DEPTOR: variants seen among roughly 807,000 people sequenced by gnomAD.
DEPTOR encodes the protein DEP domain-containing mTOR-interacting protein.
A neutral mutation model predicts 41.6 loss-of-function variants in DEPTOR; 41 were observed. The observed-to-expected ratio is 0.98, with a 90% confidence interval of 0.77 to 1.28. DEPTOR has a LOEUF of 1.28. DEPTOR is among the 50% of genes most tolerant of loss of function. DEPTOR has a pLI of 0.00. For synonymous variants in DEPTOR, 195 were observed against 192.3 expected, an observed-to-expected ratio of 1.01 and a Z score of -0.12; for missense variants, 514 against 527.9, an observed-to-expected ratio of 0.97 and a Z score of 0.26.
In DEPTOR at chr8:120,009,164, T is replaced by C. The variant is rs752101211; in HGVS notation, c.1101+31T>C. The C allele has an allele frequency of 3.2e-5, 51 of 1,591,758 alleles. No individual in the cohort carries two copies. In the South Asian group the frequency reaches 5.6e-4, roughly 18 times the overall value. Reference sequence around the variant, plus strand: ...AACGGGTCTTTCTCACCCTCTTTTATATCTGTCTTGGGTTCTTCATGCTAA... The same window carrying C: ...AACGGGTCTTTCTCACCCTCTTTTACATCTGTCTTGGGTTCTTCATGCTAA... On this transcript the variant is annotated intron_variant, in intron 8 of 8. Coordinates refer to ENST00000286234, the MANE Select transcript of DEPTOR (RefSeq NM_022783.4).
At chr8:120,045,959 C>G (rs923894570) in intron 8 of DEPTOR, among the ~76,000 whole-genome samples, 2 of 152,114 alleles carry the variant, frequency 1.3e-5, no homozygotes, top group Admixed American at 1.3e-4. Flanking sequence ...CAGAGTTCAC[C>G]AGGTGCTCAT....
At chr8:119,924,899 C>T (rs1827944612) in intron 1 of DEPTOR, among the ~76,000 whole-genome samples, 1 of 152,142 alleles carries the variant, frequency 6.6e-6, no homozygotes, top group African/African-American at 2.4e-5. Context: ...CCACCCTCCA[C>T]ACTCAAGTAG....
chr8:119,908,534 G>A (rs1409702188), intron 1 of DEPTOR, among the ~76,000 whole-genome samples: 2 of 152,156 alleles, frequency 1.3e-5, no homozygotes, highest in East Asian at 3.8e-4. Flanking sequence ...GAGATGATGG[G>A]AATCTTGATT....
At chr8:119,927,289 T>G (rs1280135152) in intron 1 of DEPTOR, among the ~76,000 whole-genome samples, 1 of 152,100 alleles carries the variant, frequency 6.6e-6, no homozygotes, top group East Asian at 1.9e-4. Context: ...GAGGGTGTAT[T>G]GGGACAATAT....
intron 3 of DEPTOR, among the ~76,000 whole-genome samples, chr8:119,931,962 ATT>A (rs1828049772): frequency 1.8e-5 from 1 of 56,280 alleles, no homozygotes; most frequent in African/African-American, 8.1e-5. Flanking sequence ...AAAAAAGATT[ATT>A]ATTATTATTA....
In DEPTOR at chr8:119,902,048, A is replaced by G. The variant is rs1177187711; in HGVS notation, c.123-26352A>G. On this transcript the variant is annotated intron_variant, in intron 1 of 8. Transcript: ENST00000286234. ...CTTATATTTTGGAAAGAGATTTTAT[A>G]TACACCATTCTGCTGATCCCCAACA... is the stretch of plus-strand genomic sequence containing the variant. 2.0e-5 allele frequency among the ~76,000 whole-genome samples: 3 copies of G among 152,054 alleles called. No homozygotes were observed. In the East Asian group the frequency reaches 5.8e-4, roughly 29 times the overall value.
At chr8:120,022,528 G>C (rs879925257) in intron 8 of DEPTOR, among the ~76,000 whole-genome samples, 2 of 152,058 alleles carry the variant, frequency 1.3e-5, no homozygotes, top group African/African-American at 2.4e-5. Flanking sequence ...TTCTGAGAAA[G>C]GGTCAGTCTT....
intron 3 of DEPTOR, among the ~76,000 whole-genome samples, chr8:119,947,838 T>C (rs1246843617): frequency 3.3e-5 from 5 of 152,158 alleles, no homozygotes; most frequent in Non-Finnish European, 7.4e-5. Context: ...CTATCACCTA[T>C]AGGCAATGAA....
In DEPTOR at chr8:120,001,518, TC is replaced by T; in HGVS notation, c.605-3del. 1 of 1,583,218 alleles carries T rather than the reference TC, an allele frequency of 6.3e-7. No homozygotes were observed. The highest frequency in any genetic ancestry group is 1.8e-5 in the Admixed American group (1 of 54,620). On this transcript the variant is annotated splice_polypyrimidine_tract_variant and splice_region_variant and intron_variant, in intron 4 of 8. Coordinates refer to ENST00000286234, the MANE Select transcript of DEPTOR (RefSeq NM_022783.4). Reference sequence around the variant, plus strand: ...TCCTCATTGGTTGTTTTTTTTTTTCTCCCCAGTGTCCAACAAGCACCCATTT... The same window carrying T: ...TCCTCATTGGTTGTTTTTTTTTTTCTCCCAGTGTCCAACAAGCACCCATTT...
chr8:119,959,627 A>G (rs528245460), intron 3 of DEPTOR, among the ~76,000 whole-genome samples: 1 of 151,452 alleles, frequency 6.6e-6, no homozygotes, highest in South Asian at 2.1e-4. Context: ...GCCAGGTTCA[A>G]GTGATTCTCC....
At chr8:119,969,020 T>C (rs1828599047) in intron 4 of DEPTOR, among the ~76,000 whole-genome samples, 1 of 151,380 alleles carries the variant, frequency 6.6e-6, no homozygotes, top group Non-Finnish European at 1.5e-5. Flanking sequence ...GCTTGAACCC[T>C]GGAGGTGGAG....
At chr8:120,025,155 T>A (rs1273992203) in intron 8 of DEPTOR, among the ~76,000 whole-genome samples, 1 of 152,240 alleles carries the variant, frequency 6.6e-6, no homozygotes, top group Admixed American at 6.5e-5. Context: ...ACACAGATTT[T>A]AATTAAATGT....
At chr8:119,943,579 C>T (rs915345220) in intron 3 of DEPTOR, among the ~76,000 whole-genome samples, 16 of 152,056 alleles carry the variant, frequency 1.1e-4, no homozygotes, top group Non-Finnish European at 2.1e-4. Flanking sequence ...GATTACAATT[C>T]GAGGTGAGTT....
chr8:120,038,208 G>T (rs939385039), intron 8 of DEPTOR, among the ~76,000 whole-genome samples: 1 of 150,648 alleles, frequency 6.6e-6, no homozygotes, highest in African/African-American at 2.5e-5. Context: ...AGTAGAGGTT[G>T]CAGTGAGCTG....
At chr8:119,875,897 T>A (rs997010461) in intron 1 of DEPTOR, among the ~76,000 whole-genome samples, 3 of 152,138 alleles carry the variant, frequency 2.0e-5, no homozygotes, top group Non-Finnish European at 4.4e-5. Flanking sequence ...GGGGGAATTG[T>A]AAGGAGAGTT....
chr8:120,045,264 A>C (rs182007453), intron 8 of DEPTOR, among the ~76,000 whole-genome samples: 3 of 152,342 alleles, frequency 2.0e-5, no homozygotes, highest in African/African-American at 7.2e-5. Flanking sequence ...ACTTTATGAA[A>C]GAGTGAATTA....
intron 3 of DEPTOR, among the ~76,000 whole-genome samples, chr8:119,961,843 C>T (rs920887794): frequency 6.6e-6 from 1 of 152,062 alleles, no homozygotes; most frequent in South Asian, 2.1e-4. Flanking sequence ...TTAAAAGAGA[C>T]AGCCAGACTT....
intron 8 of DEPTOR, among the ~76,000 whole-genome samples, chr8:120,036,493 A>G (rs942525020): frequency 2.0e-5 from 3 of 152,190 alleles, no homozygotes; most frequent in South Asian, 2.1e-4. Flanking sequence ...AGCCAGTTGC[A>G]TACTTGCAGA....
At chr8:120,026,994 G>A (rs1812806991) in intron 8 of DEPTOR, among the ~76,000 whole-genome samples, 1 of 152,048 alleles carries the variant, frequency 6.6e-6, no homozygotes, top group African/African-American at 2.4e-5. Context: ...CGAGGTGGGT[G>A]GATCACCTGA....
Sources: gnomAD v4.1 joint callset for allele counts (sites outside exome capture counted in the v4.1 genomes callset) on GRCh38, gnomAD v4.1.1 for gene constraint, MANE v1.5 for transcripts, NCBI Gene and HGNC (gene_info 2026-07-23, HGNC 2026-07-21) for gene names.